Variants in MYO16 observed in about 807,000 individuals in gnomAD.
MYO16 encodes the protein myosin XVI, also known as unconventional myosin-XVI.
Under a neutral mutation model 205.3 loss-of-function variants are expected in MYO16, and 94 were observed. The ratio of observed to expected loss-of-function variants is 0.46; its 90% CI spans 0.39 to 0.54. The LOEUF (loss-of-function observed/expected upper bound fraction) is 0.54, where lower values mean the gene tolerates loss of function less well. Ranked by LOEUF, MYO16 falls within the 20% of genes least tolerant of loss-of-function variation. The pLI is 0.00. For synonymous variants in MYO16, 988 were observed against 954.0 expected, an observed-to-expected ratio of 1.04 and a Z score of -0.66; for missense variants, 2,315 against 2,387.5, an observed-to-expected ratio of 0.97 and a Z score of 0.63.
intron 11 of MYO16, among the ~76,000 whole-genome samples, chr13:108,861,705 A>G (rs942143032): frequency 2.6e-5 from 4 of 152,188 alleles, no homozygotes; most frequent in African/African-American, 9.6e-5. Flanking sequence ...CTGATTTAAC[A>G]AATGAAAATA....
chr13:108,738,188 T>TG (rs201153749), intron 4 of MYO16, among the ~76,000 whole-genome samples: 149,433 of 152,190 alleles, frequency 0.98, 73,412 homozygotes, highest in Middle Eastern at 1. Context: ...CTTTTGAATG[T>TG]TTTTCTCTTG....
At chr13:108,653,076 T>A (rs1335436692) in intron 1 of MYO16, among the ~76,000 whole-genome samples, 3 of 152,208 alleles carry the variant, frequency 2.0e-5, no homozygotes. Context: ...TGATAGTAGC[T>A]ATTCTCTCAG....
intron 16 of MYO16, among the ~76,000 whole-genome samples, chr13:108,949,084 C>A (rs1004350429): frequency 6.6e-6 from 1 of 152,124 alleles, no homozygotes; most frequent in African/African-American, 2.4e-5. Flanking sequence ...TAATGAAAAC[C>A]ATTTCTTGTC....
At chr13:109,100,146 A>T (rs1187997701) in intron 27 of MYO16, among the ~76,000 whole-genome samples, 6 of 152,212 alleles carry the variant, frequency 3.9e-5, no homozygotes, top group African/African-American at 1.4e-4. Context: ...GATTTTTTTT[A>T]AATGGATGAT....
chr13:108,567,220 A>G, the MYO16 span, among the ~76,000 whole-genome samples: 1 of 152,132 alleles, frequency 6.6e-6, no homozygotes, highest in South Asian at 2.1e-4. Flanking sequence ...AGGATGATGG[A>G]AGTAGAAATA....
intron 23 of MYO16, among the ~76,000 whole-genome samples, chr13:109,044,257 G>A (rs939378296): frequency 5.3e-5 from 8 of 152,176 alleles, no homozygotes; most frequent in Non-Finnish European, 1.0e-4. Context: ...AGAAACTATG[G>A]ATGAATTGAA....
upstream of MYO16, among the ~76,000 whole-genome samples, chr13:108,595,025 A>G (rs55725191): frequency 0.028 from 4,204 of 152,262 alleles, 193 homozygotes; most frequent in African/African-American, 0.094. Context: ...TCAAAAGCGA[A>G]TTTATTCCTT....
the MYO16 span, among the ~76,000 whole-genome samples, chr13:108,580,818 G>A: frequency 1.3e-5 from 2 of 152,182 alleles, no homozygotes; most frequent in African/African-American, 2.4e-5. Context: ...TCAGTAAATA[G>A]AAGTCAGTTG....
chr13:108,930,219 C>T (rs2139288639), intron 16 of MYO16, among the ~76,000 whole-genome samples: 1 of 152,198 alleles, frequency 6.6e-6, no homozygotes, highest in South Asian at 2.1e-4. Context: ...AAAAGCAAAA[C>T]TGAAGTAAAT....
chr13:109,112,499 T>TA (rs1219858076), intron 28 of MYO16, among the ~76,000 whole-genome samples: 1 of 152,190 alleles, frequency 6.6e-6, no homozygotes, highest in Non-Finnish European at 1.5e-5. Flanking sequence ...CTCATGCCTA[T>TA]AATCCTAGCA....
chr13:108,668,210 C>T (rs571547201), intron 2 of MYO16, among the ~76,000 whole-genome samples: 20 of 152,176 alleles, frequency 1.3e-4, no homozygotes, highest in Non-Finnish European at 2.6e-4. Context: ...ACATTCATGT[C>T]ATACAATCTG....
chr13:109,046,839 C>T, intron 23 of MYO16, 77 bp from the exon 24 acceptor site: 1 of 1,241,264 alleles, frequency 8.1e-7, no homozygotes, highest in East Asian at 2.3e-5. Flanking sequence ...TCAGCTGGGT[C>T]AAGTTATCCT....
At chr13:108,566,771 A>AAAGAGAGAGAGAGAG in the MYO16 span, among the ~76,000 whole-genome samples, 1 of 151,122 alleles carries the variant, frequency 6.6e-6, no homozygotes, top group African/African-American at 2.4e-5. Context: ...GGAAGGAAGG[A>AAAGAGAGAGAGAGAG]AGGAAGGAAG....
At chr13:108,723,258 CT>C (rs11418829) in intron 3 of MYO16, among the ~76,000 whole-genome samples, 8 of 152,158 alleles carry the variant, frequency 5.3e-5, no homozygotes. Context: ...TGATAAATGT[CT>C]TTAACAGATG....
At chr13:109,013,816 T>C (rs1332786836) in intron 22 of MYO16, among the ~76,000 whole-genome samples, 1 of 152,222 alleles carries the variant, frequency 6.6e-6, no homozygotes, top group Non-Finnish European at 1.5e-5. Flanking sequence ...TGGGGTTGTT[T>C]GATTTTTTCT....
At chr13:108,951,775 A>G (rs537107874) in intron 16 of MYO16, among the ~76,000 whole-genome samples, 16 of 152,228 alleles carry the variant, frequency 1.1e-4, no homozygotes, top group Admixed American at 3.9e-4. Context: ...TCAACCCAGC[A>G]CTTAAGATCA....
intron 1 of MYO16, among the ~76,000 whole-genome samples, chr13:108,621,339 G>C (rs1051655352): frequency 6.6e-6 from 1 of 152,100 alleles, no homozygotes; most frequent in African/African-American, 2.4e-5. Context: ...CCACTTATTT[G>C]CCGTTTTGCT....
rs115158858 is a variant in MYO16, at chr13:109,048,575, G to A, written c.2872+1584G>A. ...AAAATTTTATTTACAAAAACAGGCA[G>A]TGGGCCATGTTTGGCTCAGGAGCCA... On this transcript the variant is annotated intron_variant, in intron 24 of 34. Transcript: ENST00000457511. 4.7e-3 allele frequency: 1,771 copies of A among 380,774 alleles called. 38 individuals carry two copies. The highest frequency in any genetic ancestry group is 0.033 in the African/African-American group (1,606 of 48,390). The allele number at this position is 380,774 out of a possible 1,614,324, so 23.6% of individuals were successfully genotyped here.
chr13:108,917,509 C>G (rs1158413550), intron 16 of MYO16, among the ~76,000 whole-genome samples: 2 of 152,246 alleles, frequency 1.3e-5, no homozygotes, highest in Admixed American at 6.5e-5. Context: ...ATTAGTAACT[C>G]TGGCCAAACT....
Sources: gnomAD v4.1 joint callset for allele counts (sites outside exome capture counted in the v4.1 genomes callset) on GRCh38, gnomAD v4.1.1 for gene constraint, MANE v1.5 for transcripts, NCBI Gene and HGNC (gene_info 2026-07-23, HGNC 2026-07-21) for gene names.